Variants in CNOT6L observed in about 807,000 individuals in gnomAD.
The protein encoded by CNOT6L is CCR4-NOT transcription complex subunit 6-like.
In CNOT6L, 7 loss-of-function variants were observed where a neutral mutation model predicts 64.0. The ratio of observed to expected loss-of-function variants is 0.11; its 90% CI spans 0.06 to 0.21. The LOEUF (loss-of-function observed/expected upper bound fraction) is 0.21, where lower values mean the gene tolerates loss of function less well. CNOT6L is among the 10% of genes least tolerant of loss of function. CNOT6L has a pLI of 1.00. For synonymous variants in CNOT6L, 193 were observed against 243.4 expected (o/e 0.79, Z 1.93); for missense variants, 245 against 669.0 (o/e 0.37, Z 6.99).
intron 5 of CNOT6L, among the ~76,000 whole-genome samples, chr4:77,749,587 T>C (rs978620438): frequency 2.0e-5 from 3 of 152,176 alleles, no homozygotes; most frequent in Non-Finnish European, 4.4e-5. Flanking sequence ...AAATCTTAAC[T>C]AGTGTATCAC....
At chr4:77,744,948 G>A in intron 6 of CNOT6L, 73 bp from the exon 7 acceptor site, 1 of 1,258,700 alleles carries the variant, frequency 7.9e-7, no homozygotes, top group African/African-American at 1.5e-5. Flanking sequence ...AATATCATGT[G>A]TACACCTGCA....
At chr4:77,781,128 A>C (rs1728808824) in intron 1 of CNOT6L, among the ~76,000 whole-genome samples, 1 of 152,158 alleles carries the variant, frequency 6.6e-6, no homozygotes, top group African/African-American at 2.4e-5. Flanking sequence ...GGAGATGAAC[A>C]ATGAGAACAC....
intron 4 of CNOT6L, among the ~76,000 whole-genome samples, chr4:77,766,957 G>A (rs1726901798): frequency 6.6e-6 from 1 of 150,492 alleles, no homozygotes; most frequent in African/African-American, 2.5e-5. Flanking sequence ...CAGCTACTCA[G>A]GAAGCTGAGG....
At chr4:77,727,357 A>G (rs1286778175) in intron 10 of CNOT6L, among the ~76,000 whole-genome samples, 1 of 152,286 alleles carries the variant, frequency 6.6e-6, no homozygotes, top group African/African-American at 2.4e-5. Flanking sequence ...ACCTGAGGTC[A>G]GGAGTTCGAG....
In CNOT6L at chr4:77,724,947, T is replaced by C. The variant is rs571441144; in HGVS notation, c.1455+1220A>G. On this transcript the variant is annotated intron_variant, in intron 11 of 11. Coordinates refer to ENST00000504123, the MANE Select transcript of CNOT6L (RefSeq NM_144571.3). ...CCCAACTCTATGTTCAATGGTATCA[T>C]GTTGGAAGATAGGATTCTGCTACAG... Among the ~76,000 whole-genome samples the C allele has an allele frequency of 3.7e-3, 565 of 152,110 alleles. 4 individuals are homozygous for C. The highest frequency in any genetic ancestry group is 0.013 in the African/African-American group (539 of 41,550).
At chr4:77,788,365 G>A (rs1048128425) in intron 1 of CNOT6L, among the ~76,000 whole-genome samples, 1 of 152,258 alleles carries the variant, frequency 6.6e-6, no homozygotes, top group Admixed American at 6.5e-5. Context: ...TGCATGATAA[G>A]GTTAACAGTT....
At chr4:77,819,222 C>T in intron 1 of CNOT6L, 82 bp downstream of exon 1, 1 of 1,611,876 alleles carries the variant, frequency 6.2e-7, no homozygotes, top group Non-Finnish European at 8.5e-7. Context: ...GCACATTTGT[C>T]CCTCTCCCAC....
At chr4:77,813,884 T>C (rs574765406) in intron 1 of CNOT6L, among the ~76,000 whole-genome samples, 1 of 152,286 alleles carries the variant, frequency 6.6e-6, no homozygotes, top group Admixed American at 6.5e-5. Flanking sequence ...GTTCCAGCAA[T>C]TCCACTCTTA....
chr4:77,788,355 T>C (rs770694117), intron 1 of CNOT6L, among the ~76,000 whole-genome samples: 5 of 152,216 alleles, frequency 3.3e-5, no homozygotes, highest in Admixed American at 2.6e-4. Flanking sequence ...ATGTATGACA[T>C]GCATGATAAG....
At chr4:77,749,314 T>C (rs745467716) in intron 5 of CNOT6L, among the ~76,000 whole-genome samples, 1 of 152,156 alleles carries the variant, frequency 6.6e-6, no homozygotes, top group Non-Finnish European at 1.5e-5. Context: ...GGTTATAAGA[T>C]GACAGACAAA....
At chr4:77,729,238 C>A (rs999462804) in intron 9 of CNOT6L, among the ~76,000 whole-genome samples, 157 bp from the exon 10 acceptor site, 1 of 152,172 alleles carries the variant, frequency 6.6e-6, no homozygotes, top group Non-Finnish European at 1.5e-5. Context: ...TTCTTAGAAG[C>A]TAAAGGGCTG....
At chr4:77,819,153 C>T (rs1215296263) in intron 1 of CNOT6L, 151 bp downstream of exon 1, 1 of 1,471,016 alleles carries the variant, frequency 6.8e-7, no homozygotes, top group Non-Finnish European at 9.3e-7. Context: ...CACACCCACT[C>T]GCCGTGGGTC....
intron 4 of CNOT6L, among the ~76,000 whole-genome samples, chr4:77,765,461 T>C (rs1472332503): frequency 6.6e-6 from 1 of 152,166 alleles, no homozygotes; most frequent in African/African-American, 2.4e-5. Context: ...CACCAGGCAA[T>C]GACAGTTTTA....
chr4:77,723,097 CT>C (rs1376941633), intron 11 of CNOT6L, among the ~76,000 whole-genome samples: 1 of 151,800 alleles, frequency 6.6e-6, no homozygotes, highest in Non-Finnish European at 1.5e-5. Flanking sequence ...GCTGCCCTTC[CT>C]TTTTTTTATT....
At chr4:77,806,556 A>T (rs532663388) in intron 1 of CNOT6L, among the ~76,000 whole-genome samples, 74 of 152,350 alleles carry the variant, frequency 4.9e-4, no homozygotes, top group East Asian at 4.2e-3. Flanking sequence ...TCTATTAATC[A>T]AAACAATTGT....
chr4:77,754,897 A>AAAAAAAT, intron 5 of CNOT6L, among the ~76,000 whole-genome samples: 1 of 128,718 alleles, frequency 7.8e-6, no homozygotes, highest in East Asian at 2.3e-4. Context: ...GTAAAAAAAA[A>AAAAAAAT]AAAAAAAAAA....
At chr4:77,795,265 C>CA (rs1340620885) in intron 1 of CNOT6L, among the ~76,000 whole-genome samples, 2 of 152,056 alleles carry the variant, frequency 1.3e-5, no homozygotes, top group African/African-American at 4.8e-5. Context: ...GTGATCCACC[C>CA]ACCTCGGCCT....
At chr4:77,765,125 G>C (rs1160532040) in intron 4 of CNOT6L, among the ~76,000 whole-genome samples, 1 of 152,124 alleles carries the variant, frequency 6.6e-6, no homozygotes, top group Non-Finnish European at 1.5e-5. Context: ...GGCAGTAAGA[G>C]TGACCTCCAA....
At chr4:77,722,069 A>G (rs1168736185) in intron 11 of CNOT6L, among the ~76,000 whole-genome samples, 2 of 152,246 alleles carry the variant, frequency 1.3e-5, no homozygotes, top group East Asian at 3.9e-4. Flanking sequence ...CTCCAAGTTT[A>G]AACAGTCAAA....
Sources: allele counts gnomAD v4.1 joint callset (sites outside exome capture counted in the v4.1 genomes callset), GRCh38; gene constraint gnomAD v4.1.1; transcripts MANE v1.5; gene names NCBI Gene and HGNC (gene_info 2026-07-23, HGNC 2026-07-21).